SH3KBP1: variants seen among roughly 807,000 people sequenced by gnomAD.
SH3KBP1 encodes the protein SH3 domain containing kinase binding protein 1.
In SH3KBP1, 8 loss-of-function variants were observed where a neutral mutation model predicts 50.1. That is an observed-to-expected ratio of 0.16 (90% CI 0.09 to 0.29). The LOEUF is 0.29. SH3KBP1 is among the 10% of genes least tolerant of loss of function. The pLI is 1.00. For synonymous variants in SH3KBP1, 227 were observed against 218.6 expected, an observed-to-expected ratio of 1.04 and a Z score of -0.34; for missense variants, 377 against 535.2, an observed-to-expected ratio of 0.70 and a Z score of 2.92.
At chrX:19,565,614 G>C (rs1395480329) in intron 13 of SH3KBP1, among the ~76,000 whole-genome samples, 1 of 111,393 alleles carries the variant, frequency 9.0e-6, no homozygotes, top group African/African-American at 3.3e-5. Flanking sequence ...GGAGATGAAG[G>C]GGGAGGGTTT....
intron 4 of SH3KBP1, among the ~76,000 whole-genome samples, chrX:19,700,689 A>T (rs754942743): frequency 1.8e-5 from 2 of 112,530 alleles, no homozygotes; most frequent in Non-Finnish European, 3.8e-5. Context: ...TATATCTTTA[A>T]GGGGGGCATT....
chrX:19,852,886 T>TA (rs1202279571), intron 1 of SH3KBP1, among the ~76,000 whole-genome samples: 1 of 110,115 alleles, frequency 9.1e-6, no homozygotes, highest in Non-Finnish European at 1.9e-5. Flanking sequence ...CAGAGAACAA[T>TA]AAAAAAAAGA....
intron 7 of SH3KBP1, among the ~76,000 whole-genome samples, chrX:19,638,983 G>T (rs951391871): frequency 2.0e-4 from 22 of 111,715 alleles, no homozygotes; most frequent in African/African-American, 7.2e-4. Context: ...TTAGAACTTG[G>T]CAGGGAATGG....
chrX:19,816,154 C>T (rs145716321), intron 2 of SH3KBP1, among the ~76,000 whole-genome samples: 1,207 of 112,321 alleles, frequency 0.011, 17 homozygotes, highest in African/African-American at 0.034. Context: ...TGCAACCTTG[C>T]CAGCATTTGG....
At chrX:19,728,003 C>T (rs1056173437) in intron 3 of SH3KBP1, among the ~76,000 whole-genome samples, 1 of 111,673 alleles carries the variant, frequency 9.0e-6, no homozygotes, top group Non-Finnish European at 1.9e-5. Context: ...AGCTAGCAAT[C>T]TTTAGCTATC....
chrX:19,643,322 A>ATTTTTTTTTTTTTTT (rs1237715100), intron 7 of SH3KBP1, among the ~76,000 whole-genome samples: 2 of 72,161 alleles, frequency 2.8e-5, no homozygotes, highest in Non-Finnish European at 4.9e-5. Context: ...TTTTTTTTTT[A>ATTTTTTTTTTTTTTT]TTTTTTTTTT....
intron 4 of SH3KBP1, among the ~76,000 whole-genome samples, chrX:19,701,484 G>A (rs1389526595): frequency 9.0e-6 from 1 of 110,595 alleles, no homozygotes; most frequent in Non-Finnish European, 1.9e-5. Flanking sequence ...TCTGCATTAG[G>A]GGAGGTCCCA....
chrX:19,789,737 A>C (rs1042871754), intron 2 of SH3KBP1, among the ~76,000 whole-genome samples: 2 of 108,785 alleles, frequency 1.8e-5, no homozygotes, highest in Non-Finnish European at 3.8e-5. Flanking sequence ...TTAGGGACAA[A>C]ATTTGGCCCA....
chrX:19,841,416 A>G (rs1230053286), intron 1 of SH3KBP1, among the ~76,000 whole-genome samples: 1 of 112,577 alleles, frequency 8.9e-6, no homozygotes, highest in South Asian at 3.6e-4. Context: ...AAAGTTTCCA[A>G]TTAATTTCCT....
chrX:19,707,362 A>T, intron 3 of SH3KBP1, among the ~76,000 whole-genome samples: 2 of 112,238 alleles, frequency 1.8e-5, no homozygotes, highest in Middle Eastern at 4.7e-3. Flanking sequence ...AGAAAAAAGA[A>T]TGGTCTGCTT....
At chrX:19,713,482 G>A (rs1326771776) in intron 3 of SH3KBP1, among the ~76,000 whole-genome samples, 2 of 107,589 alleles carry the variant, frequency 1.9e-5, no homozygotes, top group African/African-American at 3.4e-5. Context: ...GGCTGGTCTC[G>A]AACTCCTGGG....
chrX:19,769,315 G>C (rs925111403), intron 2 of SH3KBP1, among the ~76,000 whole-genome samples: 3 of 108,278 alleles, frequency 2.8e-5, no homozygotes, highest in African/African-American at 1.0e-4. Context: ...AGTTGCCCAG[G>C]CTGGTCTTGA....
chrX:19,827,322 T>C (rs1457007706), intron 2 of SH3KBP1, among the ~76,000 whole-genome samples: 1 of 110,842 alleles, frequency 9.0e-6, no homozygotes. Flanking sequence ...ACAGACAGAG[T>C]CAGATAAATT....
intron 1 of SH3KBP1, among the ~76,000 whole-genome samples, chrX:19,842,461 GGTTGC>G (rs2068249999): frequency 9.0e-6 from 1 of 111,607 alleles, no homozygotes; most frequent in African/African-American, 3.3e-5. Flanking sequence ...CAGAGGCAGA[GGTTGC>G]AGTGAGCTGA....
At chrX:19,688,253 G>C (rs2063209420) in intron 5 of SH3KBP1, among the ~76,000 whole-genome samples, 1 of 111,883 alleles carries the variant, frequency 8.9e-6, no homozygotes, top group Non-Finnish European at 1.9e-5. Flanking sequence ...CTTTAAGCAA[G>C]AAAATGTATT....
chrX:19,572,136 T>C (rs1006271896), intron 12 of SH3KBP1, among the ~76,000 whole-genome samples: 3 of 109,558 alleles, frequency 2.7e-5, no homozygotes, highest in Non-Finnish European at 3.8e-5. Flanking sequence ...ATTACTTTAC[T>C]GCTCTTATTT....
At chrX:19,754,235 G>A (rs770407235) in intron 2 of SH3KBP1, among the ~76,000 whole-genome samples, 1 of 112,005 alleles carries the variant, frequency 8.9e-6, no homozygotes, top group South Asian at 3.7e-4. Context: ...ACCACAACAA[G>A]TAACAGATAC....
chrX:19,760,013 C>CGG (rs2065332329), intron 2 of SH3KBP1, among the ~76,000 whole-genome samples: 1 of 100,774 alleles, frequency 9.9e-6, no homozygotes, highest in African/African-American at 4.1e-5. Flanking sequence ...GTCTCGGTCT[C>CGG]TCTCTCTCTC....
intron 2 of SH3KBP1, among the ~76,000 whole-genome samples, chrX:19,809,944 C>T (rs1388633939): frequency 3.6e-5 from 4 of 112,617 alleles, no homozygotes; most frequent in Non-Finnish European, 7.5e-5. Context: ...TCCCTTTTTA[C>T]TTAAATAATT....
Sources: allele counts gnomAD v4.1 joint callset (sites outside exome capture counted in the v4.1 genomes callset), GRCh38; gene constraint gnomAD v4.1.1; transcripts MANE v1.5; gene names NCBI Gene and HGNC (gene_info 2026-07-23, HGNC 2026-07-21).